The following RUSC2 variants were observed in gnomAD, a reference collection of about 807,000 sequenced individuals.
The protein encoded by RUSC2 is AP-4 complex accessory subunit RUSC2.
RUSC2 carries 34 observed loss-of-function variants against 122.2 expected under a neutral mutation model. That is an observed-to-expected ratio of 0.28 (90% CI 0.21 to 0.37). The LOEUF (loss-of-function observed/expected upper bound fraction) is 0.37. Ranked by LOEUF, RUSC2 falls within the 10% of genes least tolerant of loss-of-function variation. RUSC2 has a pLI of 1.00. For missense variants in RUSC2, 1,747 were observed against 1,952.4 expected (o/e 0.89, Z 1.98); for synonymous variants, 784 against 790.0 (o/e 0.99, Z 0.13).
intron 9 of RUSC2, among the ~76,000 whole-genome samples, chr9:35,559,527 G>C (rs1458456994): frequency 6.6e-6 from 1 of 152,180 alleles, no homozygotes; most frequent in Non-Finnish European, 1.5e-5. Context: ...CTGAGGTCAA[G>C]AGTTTGAGAC....
chr9:35,511,380 T>C (rs1261797046), intron 1 of RUSC2, among the ~76,000 whole-genome samples: 2 of 152,044 alleles, frequency 1.3e-5, no homozygotes, highest in East Asian at 1.9e-4. Flanking sequence ...TTGCCAGATA[T>C]GAAGGAAACT....
intron 1 of RUSC2, among the ~76,000 whole-genome samples, chr9:35,503,110 C>T (rs1200203615): frequency 6.6e-6 from 1 of 152,156 alleles, no homozygotes; most frequent in East Asian, 1.9e-4. Context: ...AATACACCCG[C>T]CTTAGCTTCC....
intron 1 of RUSC2, among the ~76,000 whole-genome samples, chr9:35,513,783 A>G (rs758283966): frequency 9.2e-4 from 139 of 150,324 alleles, no homozygotes; most frequent in Non-Finnish European, 4.3e-4. Flanking sequence ...AGGCCAAGGC[A>G]GGAGGATCAC....
At chr9:35,539,527 G>A (rs1048379385) in intron 1 of RUSC2, among the ~76,000 whole-genome samples, 1 of 151,850 alleles carries the variant, frequency 6.6e-6, no homozygotes, top group African/African-American at 2.4e-5. Flanking sequence ...CTTTCAAGAG[G>A]AGGGCTGGGA....
At chr9:35,518,656 C>T (rs1454679011) in intron 1 of RUSC2, among the ~76,000 whole-genome samples, 1 of 152,166 alleles carries the variant, frequency 6.6e-6, no homozygotes, top group Non-Finnish European at 1.5e-5. Flanking sequence ...AACAAGATTT[C>T]TATCCTAGTG....
At chr9:35,517,080 C>G (rs1173474641) in intron 1 of RUSC2, among the ~76,000 whole-genome samples, 2 of 152,070 alleles carry the variant, frequency 1.3e-5, no homozygotes, top group African/African-American at 4.8e-5. Flanking sequence ...TGTGGCAGTA[C>G]TATATGGCCC....
rs1563870400 is a variant in RUSC2 at position 35,548,620 on chromosome 9, C to T, written c.2014+85C>T. Reference sequence around the variant, plus strand: ...CCTCCCTGACAGGTCCCTGCCAGACCACCCCATCCATACCACTAGAGGTTC... The same window carrying T: ...CCTCCCTGACAGGTCCCTGCCAGACTACCCCATCCATACCACTAGAGGTTC... On this transcript the variant is annotated intron_variant, in intron 2 of 11. Transcript: ENST00000361226. This position sits in a 1 kb window ranked among gnomAD's most constrained non-coding sequence, Gnocchi z 4.5. 6.8e-6 allele frequency: 10 copies of T among 1,460,102 alleles called. No individual in the cohort carries two copies. Among genetic ancestry groups the T allele is most frequent in the East Asian group, 4.9e-5 (2 of 40,960 alleles). 90.4% of individuals were successfully genotyped at this position (1,460,102 alleles called of 1,614,324 possible).
At chr9:35,495,118 TATACAC>T (rs1271872204) in intron 1 of RUSC2, among the ~76,000 whole-genome samples, 1 of 5,108 alleles carries the variant, frequency 2.0e-4, no homozygotes, top group East Asian at 5.6e-3. Context: ...TTATACATTA[TATACAC>T]TATAGTATAT....
intron 1 of RUSC2, among the ~76,000 whole-genome samples, chr9:35,531,271 G>A (rs1821414254): frequency 6.6e-6 from 1 of 151,826 alleles, no homozygotes. Flanking sequence ...AAAAAAAAAA[G>A]AATTTGGATT....
intron 1 of RUSC2, among the ~76,000 whole-genome samples, chr9:35,542,982 A>C (rs1190397349): frequency 6.6e-6 from 1 of 152,250 alleles, no homozygotes; most frequent in Admixed American, 6.5e-5. Flanking sequence ...ATTGAAGGTC[A>C]GTGATGGCTG....
intron 1 of RUSC2, among the ~76,000 whole-genome samples, chr9:35,513,001 G>T (rs1821036209): frequency 6.6e-6 from 1 of 152,168 alleles, no homozygotes; most frequent in Non-Finnish European, 1.5e-5. Flanking sequence ...TAAATGAGAT[G>T]ATGCACATGC....
intron 1 of RUSC2, among the ~76,000 whole-genome samples, chr9:35,530,959 G>T (rs140886361): frequency 4.0e-5 from 6 of 151,798 alleles, no homozygotes; most frequent in Non-Finnish European, 8.8e-5. Context: ...AACTTTGAAC[G>T]CCACATTAAA....
rs765559332 is a variant in RUSC2, at chr9:35,546,821, C to T, written c.300C>T (p.His100=). 1.1e-5 allele frequency: 17 copies of T among 1,612,024 alleles called. No homozygotes were observed. The East Asian group carries it at 2.2e-4, about 21-fold the overall frequency. The part of the protein sequence containing the change: ...DGRGPGAPKR[H]NPFLLQEGVG... Reference sequence around the variant, plus strand: ...GAGGCCCTGGAGCCCCCAAACGACACAACCCCTTCTTGCTGCAGGAGGGTG... The same window carrying T: ...GAGGCCCTGGAGCCCCCAAACGACATAACCCCTTCTTGCTGCAGGAGGGTG... The change falls in exon 2 of 12, where the codon CAC becomes CAT. Residue 100 remains histidine (H), a synonymous_variant. Coordinates refer to ENST00000361226, the MANE Select transcript of RUSC2 (RefSeq NM_014806.5). This position sits in a 1 kb window ranked among gnomAD's most constrained non-coding sequence, Gnocchi z 4.3.
chr9:35,545,717 C>T (rs145887710), intron 1 of RUSC2, among the ~76,000 whole-genome samples: 304 of 152,224 alleles, frequency 2.0e-3, no homozygotes, highest in African/African-American at 7.1e-3. Flanking sequence ...CCCCCCACCC[C>T]CATTGAGGAG....
chr9:35,517,059 T>A (rs1821122869), intron 1 of RUSC2, among the ~76,000 whole-genome samples: 1 of 152,042 alleles, frequency 6.6e-6, no homozygotes, highest in South Asian at 2.1e-4. Flanking sequence ...AAGAAAAAAA[T>A]TTTAAAAAGA....
intron 2 of RUSC2, among the ~76,000 whole-genome samples, chr9:35,553,614 G>A (rs1452160873): frequency 6.6e-6 from 1 of 152,232 alleles, no homozygotes; most frequent in South Asian, 2.1e-4. Flanking sequence ...GCTGATGCCT[G>A]AATGGTGAGA....
chr9:35,494,243 A>G (rs1258433026), intron 1 of RUSC2, among the ~76,000 whole-genome samples: 1 of 151,862 alleles, frequency 6.6e-6, no homozygotes, highest in Non-Finnish European at 1.5e-5. Flanking sequence ...AGGCGGGCGG[A>G]TCACCTAAGG....
At chr9:35,490,362 AG>A (rs1308712540) in intron 1 of RUSC2, among the ~76,000 whole-genome samples, 190 bp downstream of exon 1, 2 of 146,586 alleles carry the variant, frequency 1.4e-5, no homozygotes, top group Admixed American at 1.3e-4. Context: ...CCTCGTCCCC[AG>A]CCCTTCTGAC....
intron 1 of RUSC2, among the ~76,000 whole-genome samples, chr9:35,539,965 CAAAA>C (rs1272061352): frequency 1.3e-5 from 2 of 151,850 alleles, no homozygotes; most frequent in African/African-American, 4.8e-5. Flanking sequence ...TTCAGAAGGC[CAAAA>C]AAGAGGGAAG....
Sources: allele counts gnomAD v4.1 joint callset (sites outside exome capture counted in the v4.1 genomes callset), GRCh38; gene constraint gnomAD v4.1.1; non-coding constraint Gnocchi (gnomAD v3.1); transcripts MANE v1.5; gene names NCBI Gene and HGNC (gene_info 2026-07-23, HGNC 2026-07-21).